Variants in ATP2B2 observed in about 807,000 individuals in gnomAD.
ATP2B2 encodes plasma membrane calcium-transporting ATPase 2.
In ATP2B2, 15 loss-of-function variants were observed where a neutral mutation model predicts 120.0. The observed-to-expected ratio is 0.12, with a 90% CI of 0.08 to 0.19. ATP2B2 has a LOEUF of 0.19. ATP2B2 is among the 10% of genes least tolerant of loss of function. The pLI is 1.00. For missense variants in ATP2B2, 1,045 were observed against 1,719.8 expected, an observed-to-expected ratio of 0.61 and a Z score of 6.94; for synonymous variants, 694 against 700.3, an observed-to-expected ratio of 0.99 and a Z score of 0.14.
intron 1 of ATP2B2, among the ~76,000 whole-genome samples, chr3:10,650,673 G>T (rs978145824): frequency 6.6e-6 from 1 of 152,354 alleles, no homozygotes; most frequent in South Asian, 2.1e-4. Flanking sequence ...AGGAGGAAAA[G>T]ATGGTTTTGT....
At chr3:10,682,383 A>C (rs947308081) in intron 1 of ATP2B2, among the ~76,000 whole-genome samples, 3 of 152,202 alleles carry the variant, frequency 2.0e-5, no homozygotes, top group African/African-American at 7.2e-5. Flanking sequence ...GGCTGAGACT[A>C]TGGGCTTAGC....
intron 5 of ATP2B2, among the ~76,000 whole-genome samples, chr3:10,393,678 G>A (rs1409652342): frequency 6.6e-6 from 1 of 152,252 alleles, no homozygotes; most frequent in Non-Finnish European, 1.5e-5. Context: ...TATCCCATGA[G>A]TGGGAGGAAA....
intron 3 of ATP2B2, among the ~76,000 whole-genome samples, chr3:10,512,480 A>T (rs377240014): frequency 1.4e-4 from 20 of 147,442 alleles, no homozygotes; most frequent in African/African-American, 4.7e-4. Context: ...ACACACACAC[A>T]CACACACACA....
chr3:10,393,755 G>A (rs2061935994), intron 5 of ATP2B2, among the ~76,000 whole-genome samples: 1 of 32 alleles, frequency 0.031, no homozygotes, highest in Non-Finnish European at 0.045. Context: ...TCCTGCCCAA[G>A]CTTCTGTCCT....
chr3:10,387,412 C>G (rs2061712138), intron 6 of ATP2B2, among the ~76,000 whole-genome samples: 1 of 152,238 alleles, frequency 6.6e-6, no homozygotes, highest in South Asian at 2.1e-4. Flanking sequence ...GGGGAGGCAT[C>G]TGTCCTCTCA....
At position 10,340,848 on chromosome 3, in the gene ATP2B2, G is replaced by T; in HGVS notation, c.2918-144C>A. Reference sequence around the variant, plus strand: ...GCATGCTTGGACAGTGGGGGGCCAGGGCTGTGCTGTCAGCTGGTCAGAGAC... The same window carrying T: ...GCATGCTTGGACAGTGGGGGGCCAGTGCTGTGCTGTCAGCTGGTCAGAGAC... On this transcript the variant is annotated intron_variant, in intron 19 of 22. Transcript: ENST00000360273. The surrounding 1 kb of genome is among the most constrained non-coding windows in gnomAD (Gnocchi z 5.0). 1.2e-6 allele frequency: 1 copy of T among 824,482 alleles called. No homozygotes were observed. Among genetic ancestry groups the T allele is most frequent in the Non-Finnish European group, 2.0e-6 (1 of 495,284 alleles). The allele number at this position is 824,482 out of a possible 1,614,324, so 51.1% of individuals were successfully genotyped here.
intron 1 of ATP2B2, among the ~76,000 whole-genome samples, chr3:10,681,103 A>G (rs2071371788): frequency 6.6e-6 from 1 of 152,152 alleles, no homozygotes; most frequent in Admixed American, 6.5e-5. Context: ...AGCTTCCTGA[A>G]GCCTCCCCAG....
chr3:10,362,807 G>A (rs919034642), intron 12 of ATP2B2, among the ~76,000 whole-genome samples: 2 of 152,128 alleles, frequency 1.3e-5, no homozygotes, highest in African/African-American at 4.8e-5. Context: ...TAAGTTCTAA[G>A]ATCTTCCCTT....
chr3:10,398,709 C>T (rs574271262), intron 5 of ATP2B2, among the ~76,000 whole-genome samples: 9 of 152,320 alleles, frequency 5.9e-5, no homozygotes, highest in Admixed American at 4.6e-4. Flanking sequence ...GGAGACACAC[C>T]GGCCTCTCCA....
At chr3:10,569,459 A>G (rs887129656) in intron 2 of ATP2B2, among the ~76,000 whole-genome samples, 2 of 152,200 alleles carry the variant, frequency 1.3e-5, no homozygotes, top group Admixed American at 6.5e-5. Flanking sequence ...TCCTCTCCCA[A>G]GGAGTGATAC....
chr3:10,496,265 C>T (rs1229001250), intron 1 of ATP2B2, among the ~76,000 whole-genome samples: 2 of 152,150 alleles, frequency 1.3e-5, no homozygotes, highest in African/African-American at 4.8e-5. Context: ...ACTGTTGGTG[C>T]CCACCCTAGT....
At chr3:10,566,000 A>G (rs2125537046) in intron 2 of ATP2B2, among the ~76,000 whole-genome samples, 1 of 152,020 alleles carries the variant, frequency 6.6e-6, no homozygotes, top group South Asian at 2.1e-4. Context: ...CCACCCACCC[A>G]TGTATCTGTC....
Position 10,350,148 on chromosome 3 carries a change from G to A in ATP2B2, c.2368C>T (p.Arg790Cys), listed in dbSNP as rs2060536914. Reference protein sequence around the residue: ...KIWPKLRVLARSSPTDKHTLV... With the variant: ...KIWPKLRVLACSSPTDKHTLV... ...GTATGCTTGTCCGTTGGGGAGGAGC[G>A]AGCCAGCACCCGCAGCTTTGGCCAG... The change falls in exon 16 of 23, where the codon CGC becomes TGC. Residue 790 changes from arginine (R) to cysteine (C), a missense_variant. By Grantham distance (180) the Arg-to-Cys change is radical. Transcript: ENST00000360273. The A allele has an allele frequency of 1.2e-6, 2 of 1,613,444 alleles. No individual in the cohort carries two copies. The highest frequency in any genetic ancestry group is 1.7e-6 in the Non-Finnish European group (2 of 1,179,926).
At chr3:10,643,159 T>C (rs1462405895) in intron 1 of ATP2B2, among the ~76,000 whole-genome samples, 1 of 152,204 alleles carries the variant, frequency 6.6e-6, no homozygotes, top group Non-Finnish European at 1.5e-5. Flanking sequence ...TGGCCAAATC[T>C]GGGATGATGT....
At chr3:10,432,487 C>A (rs1246654847) in intron 2 of ATP2B2, among the ~76,000 whole-genome samples, 8 of 152,262 alleles carry the variant, frequency 5.3e-5, no homozygotes, top group Non-Finnish European at 8.8e-5. Context: ...GGAGCCAGAA[C>A]ATGAGAGGGA....
intron 3 of ATP2B2, among the ~76,000 whole-genome samples, chr3:10,404,517 C>G (rs187203398): frequency 6.6e-6 from 1 of 152,172 alleles, no homozygotes; most frequent in Non-Finnish European, 1.5e-5. Flanking sequence ...AGAGAGCCTT[C>G]GGGTAAAACA....
intron 1 of ATP2B2, among the ~76,000 whole-genome samples, chr3:10,482,456 C>T (rs1285803630): frequency 6.6e-6 from 1 of 152,234 alleles, no homozygotes; most frequent in African/African-American, 2.4e-5. Flanking sequence ...GCCATCCCTC[C>T]ATGCCTCACC....
chr3:10,423,016 A>T (rs1395145837), intron 2 of ATP2B2, among the ~76,000 whole-genome samples: 4 of 152,172 alleles, frequency 2.6e-5, no homozygotes, highest in Non-Finnish European at 4.4e-5. Flanking sequence ...ACCAGGACTC[A>T]TCTAGAAGCT....
In ATP2B2 at chr3:10,338,260, G is replaced by A. The variant is rs56272522; in HGVS notation, c.3336C>T (p.Asp1112=). ...GCTCCGCGTGGTCGATCTCCTCCAC[G>A]TCCTCGTTGAGCTCCTCCTCCGGGA... ...EEIPEEELNE[D]VEEIDHAERE... is the part of the protein sequence containing the mutation. Residue 1112 remains aspartate (D), a synonymous_variant, in exon 22 of 23, where the codon GAC becomes GAT. Transcript: ENST00000360273. 1.5e-3 allele frequency: 2,433 copies of A among 1,614,104 alleles called. 13 individuals are homozygous for A. The highest frequency in any genetic ancestry group is 1.6e-3 in the Middle Eastern group (10 of 6,062).
Sources: allele counts gnomAD v4.1 joint callset (sites outside exome capture counted in the v4.1 genomes callset), GRCh38; gene constraint gnomAD v4.1.1; non-coding constraint Gnocchi (gnomAD v3.1); transcripts MANE v1.5; gene names NCBI Gene and HGNC (gene_info 2026-07-23, HGNC 2026-07-21).